The following INVS variants were observed in gnomAD, a reference collection of about 807,000 sequenced individuals.
The protein encoded by INVS is inversion of embryo turning homolog.
INVS carries 86 observed loss-of-function variants against 108.8 expected under a neutral mutation model. The observed-to-expected ratio is 0.79, with a 90% CI of 0.66 to 0.95. INVS has a LOEUF of 0.95. INVS is among the 40% of genes least tolerant of loss of function. The probability of loss-of-function intolerance (pLI) is 0.00; values close to 1 mark genes in which losing one functional copy is unlikely to be tolerated. For synonymous variants in INVS, 455 were observed against 473.5 expected (o/e 0.96, Z 0.51); for missense variants, 1,169 against 1,297.4 (o/e 0.90, Z 1.52).
At chr9:100,266,391 T>C (rs2118637097) in intron 11 of INVS, among the ~76,000 whole-genome samples, 1 of 152,278 alleles carries the variant, frequency 6.6e-6, no homozygotes, top group South Asian at 2.1e-4. Flanking sequence ...CCCGTTTTCT[T>C]ATGGTTATTT....
At chr9:100,166,064 C>T (rs1829354534) in intron 3 of INVS, among the ~76,000 whole-genome samples, 2 of 152,024 alleles carry the variant, frequency 1.3e-5, no homozygotes, top group South Asian at 4.2e-4. Context: ...TAAACTTAAC[C>T]TCTTCTTACA....
chr9:100,191,396 C>T (rs1830217071), intron 3 of INVS, among the ~76,000 whole-genome samples: 1 of 152,066 alleles, frequency 6.6e-6, no homozygotes, highest in Non-Finnish European at 1.5e-5. Context: ...TTTCTTTACT[C>T]TTGTCTGATT....
chr9:100,124,991 G>A (rs1280361393), intron 2 of INVS, among the ~76,000 whole-genome samples: 1 of 152,126 alleles, frequency 6.6e-6, no homozygotes, highest in Non-Finnish European at 1.5e-5. Context: ...CCCCACCTCT[G>A]GGCTGCTCAG....
chr9:100,273,527 CTTTTTTTTTTTTT>C (rs58458085), intron 12 of INVS, among the ~76,000 whole-genome samples: 18 of 96,322 alleles, frequency 1.9e-4, no homozygotes, highest in South Asian at 1.7e-3. Context: ...CCACTCAGTT[CTTTTTTTTTTTTT>C]TTTTTTTTTT....
intron 5 of INVS, among the ~76,000 whole-genome samples, chr9:100,230,293 C>T (rs550453164): frequency 5.9e-5 from 9 of 152,152 alleles, no homozygotes; most frequent in Non-Finnish European, 1.3e-4. Context: ...CTCTCAGTCT[C>T]ATTCTATTCT....
intron 2 of INVS, among the ~76,000 whole-genome samples, chr9:100,107,047 C>G (rs73656939): frequency 0.013 from 1,977 of 152,266 alleles, 34 homozygotes; most frequent in African/African-American, 0.046. Flanking sequence ...ACTTATTTAC[C>G]TTAATTCACT....
intron 5 of INVS, 73 bp from the exon 6 acceptor site, chr9:100,239,976 GAAAGAAAGAAA>G: frequency 3.9e-6 from 5 of 1,295,016 alleles, no homozygotes; most frequent in Non-Finnish European, 5.6e-6. Flanking sequence ...CTCTAAAAAA[GAAAGAAAGAAA>G]AAAATACTTA....
At chr9:100,159,385 A>G (rs1208347132) in intron 3 of INVS, among the ~76,000 whole-genome samples, 6 of 152,252 alleles carry the variant, frequency 3.9e-5, no homozygotes, top group Admixed American at 1.3e-4. Flanking sequence ...CAGATAGTCA[A>G]TGGCTCTGAG....
In INVS at chr9:100,248,037, C is replaced by T. The variant is rs530898373; in HGVS notation, c.1078+1250C>T. 5.5e-4 allele frequency among the ~76,000 whole-genome samples: 84 copies of T among 152,042 alleles called. 1 individual carries two copies. The South Asian group carries it at 0.013, about 23-fold the overall frequency. On this transcript the variant is annotated intron_variant, in intron 8 of 16. Coordinates refer to ENST00000262457, the MANE Select transcript of INVS (RefSeq NM_014425.5). ...TTCACCATGTTGCCCAGGCTGGTCTCGAACTTCTGAGCTCAAGCAATCCAC... is the reference window on the plus strand; with the variant it reads ...TTCACCATGTTGCCCAGGCTGGTCTTGAACTTCTGAGCTCAAGCAATCCAC...
intron 15 of INVS, among the ~76,000 whole-genome samples, 153 bp downstream of exon 15, chr9:100,297,299 G>A (rs2118783538): frequency 6.6e-6 from 1 of 152,110 alleles, no homozygotes; most frequent in East Asian, 1.9e-4. Flanking sequence ...GGTCAAAACT[G>A]CAATTAATTT....
intron 12 of INVS, among the ~76,000 whole-genome samples, chr9:100,274,222 G>T (rs1256518071): frequency 6.6e-6 from 1 of 152,110 alleles, no homozygotes; most frequent in Non-Finnish European, 1.5e-5. Context: ...GCTGGGCGTG[G>T]TGGTTAGCAC....
At chr9:100,255,904 G>A (rs910923044) in intron 10 of INVS, among the ~76,000 whole-genome samples, 4 of 152,082 alleles carry the variant, frequency 2.6e-5, no homozygotes. Context: ...GCCAGGCTTT[G>A]GTATCAGGAT....
intron 3 of INVS, among the ~76,000 whole-genome samples, chr9:100,192,706 A>G (rs1830257846): frequency 6.6e-6 from 1 of 152,154 alleles, no homozygotes; most frequent in South Asian, 2.1e-4. Context: ...GATGCCATAT[A>G]TCTTGGGCAA....
intron 3 of INVS, among the ~76,000 whole-genome samples, chr9:100,146,258 G>A (rs1382588692): frequency 6.6e-6 from 1 of 151,614 alleles, no homozygotes; most frequent in African/African-American, 2.4e-5. Context: ...TAAGATTTGG[G>A]TAGGTAAAGG....
At chr9:100,232,321 T>C (rs1352518861) in intron 5 of INVS, among the ~76,000 whole-genome samples, 1 of 152,220 alleles carries the variant, frequency 6.6e-6, no homozygotes, top group Non-Finnish European at 1.5e-5. Flanking sequence ...ACGCTGATGA[T>C]AGTTTCTTTT....
At chr9:100,276,184 T>C (rs1833108164) in intron 12 of INVS, among the ~76,000 whole-genome samples, 1 of 152,228 alleles carries the variant, frequency 6.6e-6, no homozygotes, top group South Asian at 2.1e-4. Flanking sequence ...TTCATCTCTG[T>C]AGATAGCCCC....
In INVS at chr9:100,126,438, T is replaced by C. The variant is rs1255520048; in HGVS notation, c.162T>C (p.Tyr54=). Residue 54 remains tyrosine (Y), a synonymous_variant, in exon 3 of 17, where the codon TAT becomes TAC. Coordinates refer to ENST00000262457, the MANE Select transcript of INVS (RefSeq NM_014425.5). ...AGTTTGGGAGAACACCACTTATGTA[T>C]TGCGTGTTGGCTGACAGATTGGATT... is the stretch of plus-strand genomic sequence containing the variant. ...EDQFGRTPLM[Y]CVLADRLDCA... is the part of the protein sequence containing the mutation. The C allele has an allele frequency of 6.2e-7, 1 of 1,614,122 alleles. No individual in the cohort carries two copies. Among genetic ancestry groups the C allele is most frequent in the Non-Finnish European group, 8.5e-7 (1 of 1,179,972 alleles).
intron 3 of INVS, among the ~76,000 whole-genome samples, chr9:100,213,665 A>G (rs1050024542): frequency 7.2e-5 from 11 of 152,226 alleles, no homozygotes; most frequent in African/African-American, 2.7e-4. Flanking sequence ...TTTACTACTC[A>G]CAACACAGCA....
intron 7 of INVS, among the ~76,000 whole-genome samples, chr9:100,246,212 GAGAAGAGA>G (rs1399762865): frequency 2.0e-5 from 3 of 151,748 alleles, no homozygotes; most frequent in Non-Finnish European, 4.4e-5. Context: ...AAAAAGGATG[GAGAAGAGA>G]AGAGAACAAG....
Sources: allele counts gnomAD v4.1 joint callset (sites outside exome capture counted in the v4.1 genomes callset), GRCh38; gene constraint gnomAD v4.1.1; transcripts MANE v1.5; gene names NCBI Gene and HGNC (gene_info 2026-07-23, HGNC 2026-07-21).